CNIH3: variants seen among roughly 807,000 people sequenced by gnomAD.
CNIH3 encodes the protein cornichon family AMPA receptor auxiliary protein 3.
A neutral mutation model predicts 24.1 loss-of-function variants in CNIH3; 14 were observed. The ratio of observed to expected loss-of-function variants is 0.58; its 90% CI spans 0.38 to 0.91. The LOEUF is 0.91. Among genes scored for constraint, CNIH3 ranks in the 40% least tolerant of loss-of-function variants. The probability of loss-of-function intolerance (pLI) is 0.00; values close to 1 mark genes in which losing one functional copy is unlikely to be tolerated. For synonymous variants in CNIH3, 68 were observed against 73.8 expected, an observed-to-expected ratio of 0.92 and a Z score of 0.40; for missense variants, 178 against 196.8, an observed-to-expected ratio of 0.90 and a Z score of 0.57.
chr1:224,608,948 A>T (rs143768316), intron 3 of CNIH3, among the ~76,000 whole-genome samples: 3 of 152,034 alleles, frequency 2.0e-5, no homozygotes, highest in Admixed American at 2.0e-4. Flanking sequence ...CACTCGCCCA[A>T]CTCCTGAAAT....
At chr1:224,696,492 G>A (rs1687185660) in intron 3 of CNIH3, among the ~76,000 whole-genome samples, 1 of 152,346 alleles carries the variant, frequency 6.6e-6, no homozygotes. Context: ...AGCGCAGCCT[G>A]TGCAGGGCAC....
intron 2 of CNIH3, among the ~76,000 whole-genome samples, chr1:224,683,587 G>A (rs752975997): frequency 6.6e-6 from 1 of 152,212 alleles, no homozygotes; most frequent in Non-Finnish European, 1.5e-5. Context: ...TCTCAATGAG[G>A]GCATGAGGCC....
rs1346174390 is a variant in CNIH3, at chr1:224,543,225, C to T, written n.340-3604C>T. Among the ~76,000 whole-genome samples, 3 of 152,122 alleles carry T rather than the reference C, an allele frequency of 2.0e-5. No homozygotes were observed. The East Asian group carries it at 5.8e-4, about 29-fold the overall frequency. ...GTTTAGTGGAGCTTCCTGGTTGGTG[C>T]TGGGAGGGTGACACGTCCTGATTCT... On this transcript the variant is annotated intron_variant and non_coding_transcript_variant, in intron 2 of 5. Transcript: ENST00000471578.
At chr1:224,590,473 TA>T (rs1681704626), downstream of CNIH3, among the ~76,000 whole-genome samples, 1 of 152,214 alleles carries the variant, frequency 6.6e-6, no homozygotes, top group Admixed American at 6.5e-5. Flanking sequence ...GGGTAATTTA[TA>T]AAGAACAGAA....
At chr1:224,644,846 G>A (rs936614235) in intron 1 of CNIH3, among the ~76,000 whole-genome samples, 11 of 152,202 alleles carry the variant, frequency 7.2e-5, no homozygotes, top group African/African-American at 2.7e-4. Flanking sequence ...CTGGAAACTT[G>A]CTTAAGCGTA....
chr1:224,739,436 G>T lies in CNIH3; in HGVS notation c.*80G>T. ...AGGTGCATTTCTGCTGGTGACTGGA[G>T]GAGGGACCAGAATGAGGATACGTGA... On this transcript the variant is annotated 3_prime_UTR_variant, in exon 6 of 6. Coordinates refer to ENST00000272133, the MANE Select transcript of CNIH3 (RefSeq NM_152495.2). 6.3e-7 allele frequency: 1 copy of T among 1,580,936 alleles called. No individual in the cohort carries two copies.
upstream of CNIH3, chr1:224,615,957 C>G (rs1195218085): frequency 1.3e-5 from 2 of 152,940 alleles, no homozygotes; most frequent in African/African-American, 4.8e-5. Context: ...ACTGCAAGAA[C>G]CGGGAGGGGC....
chr1:224,575,055 A>T, intron 4 of CNIH3: 1 of 878,518 alleles, frequency 1.1e-6, no homozygotes, highest in East Asian at 2.4e-5. Context: ...CAAAGGCATC[A>T]TGGTGACTGC....
chr1:224,705,686 G>A (rs1244283412), intron 3 of CNIH3, among the ~76,000 whole-genome samples: 3 of 152,146 alleles, frequency 2.0e-5, no homozygotes, highest in East Asian at 3.9e-4. Context: ...GCAGCAGTGA[G>A]GGGTTGTTGT....
At chr1:224,636,909 T>C (rs115709846) in intron 1 of CNIH3, among the ~76,000 whole-genome samples, 1 of 152,202 alleles carries the variant, frequency 6.6e-6, no homozygotes, top group Non-Finnish European at 1.5e-5. Context: ...CAGTATCTAA[T>C]CTATTATCTG....
intron 1 of CNIH3, among the ~76,000 whole-genome samples, chr1:224,510,115 A>G (rs1678082276): frequency 6.6e-6 from 1 of 152,088 alleles, no homozygotes; most frequent in African/African-American, 2.4e-5. Context: ...TTTAAACTTG[A>G]TAACTGAACT....
intron 1 of CNIH3, among the ~76,000 whole-genome samples, chr1:224,452,968 A>G (rs1382410393): frequency 1.3e-5 from 2 of 150,482 alleles, no homozygotes; most frequent in Non-Finnish European, 3.0e-5. Context: ...TAAAAATACA[A>G]AATTAGCCGG....
At chr1:224,725,676 G>A (rs747603256) in intron 3 of CNIH3, among the ~76,000 whole-genome samples, 1 of 152,192 alleles carries the variant, frequency 6.6e-6, no homozygotes, top group Admixed American at 6.5e-5. Context: ...CCCTTGGAAT[G>A]CATGATGAGA....
At position 224,739,747 on chromosome 1, in the gene CNIH3, G is replaced by A; in HGVS notation, c.*391G>A. On this transcript the variant is annotated 3_prime_UTR_variant, in exon 6 of 6. Transcript: ENST00000272133. ...GGGAGCGGAGGCTGGAAGGCCACAA[G>A]GTGCTTGCTAAGGAACAGAATGACC... 1 of 230,980 alleles carries A rather than the reference G, an allele frequency of 4.3e-6. No homozygotes were observed. Among genetic ancestry groups the A allele is most frequent in the South Asian group, 1.0e-4 (1 of 9,912 alleles). 14.3% of individuals were successfully genotyped at this position (230,980 alleles called of 1,614,324 possible). A position where few individuals can be genotyped will look rare whatever the true frequency, so the allele number is the denominator to read the frequency against.
At chr1:224,578,293 AT>A (rs1345940978) in intron 4 of CNIH3, among the ~76,000 whole-genome samples, 1 of 152,200 alleles carries the variant, frequency 6.6e-6, no homozygotes, top group Non-Finnish European at 1.5e-5. Context: ...CTACTAATTT[AT>A]TTCCCTAACT....
In CNIH3 at chr1:224,634,915, T is replaced by C. The variant is rs556552936; in HGVS notation, c.81+17660T>C. Among the ~76,000 whole-genome samples the C allele has an allele frequency of 2.0e-3, 308 of 152,350 alleles. 3 individuals carry two copies. Among genetic ancestry groups the C allele is most frequent in the African/African-American group, 6.7e-3 (279 of 41,574 alleles). On this transcript the variant is annotated intron_variant, in intron 1 of 5. Transcript: ENST00000272133. ...CTCATAATTAGCAAAGTTGGCAGTT[T>C]TCAGCACTGTTCAGAGTATAAGTTG...
chr1:224,684,669 C>T lies in CNIH3; in HGVS notation c.151-127C>T. On this transcript the variant is annotated intron_variant, in intron 2 of 5. Coordinates refer to ENST00000272133, the MANE Select transcript of CNIH3 (RefSeq NM_152495.2). This position sits in a 1 kb window ranked among gnomAD's most constrained non-coding sequence, Gnocchi z 4.2. Reference sequence around the variant, plus strand: ...AGCCACTGGGTGGGAGCATGCTGGCCATGTGCCCAGGAGGGGTCTCTGGTG... The same window carrying T: ...AGCCACTGGGTGGGAGCATGCTGGCTATGTGCCCAGGAGGGGTCTCTGGTG... 1 of 789,140 alleles carries T rather than the reference C, an allele frequency of 1.3e-6. No individual in the cohort carries two copies. Among genetic ancestry groups the T allele is most frequent in the South Asian group, 1.4e-5 (1 of 69,108 alleles). The allele number at this position is 789,140 out of a possible 1,614,324, so 48.9% of individuals were successfully genotyped here. A position where few individuals can be genotyped will look rare whatever the true frequency, so the allele number is the denominator to read the frequency against.
chr1:224,626,173 TAGTG>T (rs1356100360), intron 1 of CNIH3, among the ~76,000 whole-genome samples: 21 of 152,192 alleles, frequency 1.4e-4, no homozygotes, highest in African/African-American at 4.6e-4. Context: ...CTGCTACAAA[TAGTG>T]AGGTCATTTG....
At chr1:224,660,902 T>A (rs1369301175) in intron 1 of CNIH3, among the ~76,000 whole-genome samples, 2 of 152,144 alleles carry the variant, frequency 1.3e-5, no homozygotes, top group African/African-American at 2.4e-5. Context: ...CACTGAAGAG[T>A]CAAGGCTCAC....
Sources: gnomAD v4.1 joint callset for allele counts (sites outside exome capture counted in the v4.1 genomes callset) on GRCh38, gnomAD v4.1.1 for gene constraint, Gnocchi (gnomAD v3.1) non-coding constraint, MANE v1.5 for transcripts, NCBI Gene and HGNC (gene_info 2026-07-23, HGNC 2026-07-21) for gene names.